The following ANGPT1 variants were observed in gnomAD, a reference collection of about 807,000 sequenced individuals.
ANGPT1 encodes angiopoietin-1.
A neutral mutation model predicts 62.2 loss-of-function variants in ANGPT1; 17 were observed. The ratio of observed to expected loss-of-function variants is 0.27; its 90% CI spans 0.19 to 0.41. The LOEUF (loss-of-function observed/expected upper bound fraction) is 0.41, where lower values mean the gene tolerates loss of function less well. Ranked by LOEUF, ANGPT1 falls within the 10% of genes least tolerant of loss-of-function variation. The pLI, the probability that ANGPT1 is intolerant of heterozygous loss-of-function variation, is 1.00. For synonymous variants in ANGPT1, 199 were observed against 198.9 expected, an observed-to-expected ratio of 1.00 and a Z score of 0.00; for missense variants, 478 against 594.9, an observed-to-expected ratio of 0.80 and a Z score of 2.04.
intron 1 of ANGPT1, among the ~76,000 whole-genome samples, chr8:107,480,708 C>T (rs1405279950): frequency 6.6e-6 from 1 of 152,184 alleles, no homozygotes; most frequent in Non-Finnish European, 1.5e-5. Flanking sequence ...CACTCAACTT[C>T]ATGGGTACAA....
At chr8:107,323,902 C>T (rs956152952) in intron 3 of ANGPT1, among the ~76,000 whole-genome samples, 2 of 152,054 alleles carry the variant, frequency 1.3e-5, no homozygotes, top group Non-Finnish European at 2.9e-5. Context: ...GCCTCAGCCT[C>T]CCGAGTAGTT....
intron 1 of ANGPT1, among the ~76,000 whole-genome samples, chr8:107,420,680 C>T (rs1810874417): frequency 6.6e-6 from 1 of 152,082 alleles, no homozygotes; most frequent in Non-Finnish European, 1.5e-5. Flanking sequence ...TGTTATCAAT[C>T]TGTTATTTAG....
At chr8:107,350,083 T>C (rs1473053750) in intron 1 of ANGPT1, among the ~76,000 whole-genome samples, 1 of 152,148 alleles carries the variant, frequency 6.6e-6, no homozygotes, top group East Asian at 1.9e-4. Flanking sequence ...TTCATTCACT[T>C]GATGTATATA....
At chr8:107,439,710 G>A (rs555900507) in intron 1 of ANGPT1, among the ~76,000 whole-genome samples, 3 of 152,238 alleles carry the variant, frequency 2.0e-5, no homozygotes, top group Admixed American at 1.3e-4. Flanking sequence ...TTACACTCAG[G>A]AAAGGAGTTT....
chr8:107,263,071 C>G (rs1813530410), intron 8 of ANGPT1, among the ~76,000 whole-genome samples: 1 of 151,940 alleles, frequency 6.6e-6, no homozygotes, highest in African/African-American at 2.4e-5. Flanking sequence ...TTAGATATAG[C>G]CAGGTGCCAT....
chr8:107,452,789 G>A (rs902549794), intron 1 of ANGPT1, among the ~76,000 whole-genome samples: 49 of 152,054 alleles, frequency 3.2e-4, no homozygotes, highest in African/African-American at 9.2e-4. Context: ...TTTGCCAGGT[G>A]TTTCTAAAGA....
intron 1 of ANGPT1, among the ~76,000 whole-genome samples, chr8:107,422,423 G>A (rs1457011430): frequency 6.6e-6 from 1 of 152,116 alleles, no homozygotes; most frequent in East Asian, 1.9e-4. Context: ...GTCCCATAGT[G>A]TTCACAGAAT....
At chr8:107,415,878 G>A (rs546752903) in intron 1 of ANGPT1, among the ~76,000 whole-genome samples, 11 of 152,102 alleles carry the variant, frequency 7.2e-5, no homozygotes, top group Admixed American at 3.9e-4. Context: ...TAATTATAAC[G>A]GAGCTATAAA....
rs543264148 is a variant in ANGPT1, at chr8:107,379,277, C to T, written c.298-32180G>A. On this transcript the variant is annotated intron_variant, in intron 1 of 8. Coordinates refer to ENST00000517746, the MANE Select transcript of ANGPT1 (RefSeq NM_001146.5). ...CACCTAGAGTAGACCACCTCAATTG[C>T]TCCCTCCCTTGGTAGGCCACTAGCT... is the stretch of plus-strand genomic sequence containing the variant. Among the ~76,000 whole-genome samples the T allele has an allele frequency of 2.6e-5, 4 of 152,108 alleles. No homozygotes were observed. In the South Asian group the frequency reaches 8.3e-4, roughly 32 times the overall value.
At chr8:107,260,094 A>C (rs1439092447) in intron 8 of ANGPT1, among the ~76,000 whole-genome samples, 1 of 152,152 alleles carries the variant, frequency 6.6e-6, no homozygotes, top group East Asian at 1.9e-4. Context: ...TGATAGAAGA[A>C]AGCCAAGAAA....
rs887981397 is a variant in ANGPT1 at position 107,497,708 on chromosome 8, C to T, written c.-150G>A. ...GCGTTTGAAGAAGAATCATAGAAAA[C>T]TAGCCATTTGTTAGCTTTGTTCTAA... On this transcript the variant is annotated 5_prime_UTR_variant, in exon 1 of 9. Coordinates refer to ENST00000517746, the MANE Select transcript of ANGPT1 (RefSeq NM_001146.5). 24 of 846,584 alleles carry T rather than the reference C, an allele frequency of 2.8e-5. No individual in the cohort carries two copies. The highest frequency in any genetic ancestry group is 4.0e-5 in the Non-Finnish European group (23 of 569,818). The allele number at this position is 846,584 out of a possible 1,614,324, so 52.4% of individuals were successfully genotyped here.
chr8:107,370,407 A>AGAAAGAAAGAAAGAAAGGAAGGAAG (rs149930759), intron 1 of ANGPT1, among the ~76,000 whole-genome samples: 3 of 71,972 alleles, frequency 4.2e-5, no homozygotes, highest in African/African-American at 9.5e-5. Context: ...AAAGAAAGAA[A>AGAAAGAAAGAAAGAAAGGAAGGAAG]GAGTCAGGGT....
chr8:107,346,875 T>C (rs1815815139), intron 2 of ANGPT1, 67 bp downstream of exon 2: 2 of 1,414,384 alleles, frequency 1.4e-6, no homozygotes, highest in Non-Finnish European at 1.9e-6. Context: ...TCTGTGTTTA[T>C]GGAGAAAGCT....
chr8:107,420,834 T>C (rs1487422154), intron 1 of ANGPT1, among the ~76,000 whole-genome samples: 2 of 152,148 alleles, frequency 1.3e-5, no homozygotes, highest in African/African-American at 2.4e-5. Context: ...TCTAAAAGTA[T>C]GCCTGTCTAT....
At chr8:107,330,631 A>T (rs1053320288) in intron 3 of ANGPT1, among the ~76,000 whole-genome samples, 1 of 152,180 alleles carries the variant, frequency 6.6e-6, no homozygotes, top group Non-Finnish European at 1.5e-5. Context: ...GGAGTGGCAC[A>T]TAGCTTAAAC....
chr8:107,481,532 C>CAAAAAAAAAAAAAAAAAAAA (rs71562147), intron 1 of ANGPT1, among the ~76,000 whole-genome samples: 3 of 64,312 alleles, frequency 4.7e-5, no homozygotes, highest in Non-Finnish European at 5.7e-5. Context: ...GACTCTGTCT[C>CAAAAAAAAAAAAAAAAAAAA]AAAAAAAAAA....
At chr8:107,375,075 G>A (rs918776086) in intron 1 of ANGPT1, among the ~76,000 whole-genome samples, 1 of 152,170 alleles carries the variant, frequency 6.6e-6, no homozygotes, top group African/African-American at 2.4e-5. Flanking sequence ...CAGGAGATTC[G>A]CTTGAACCCA....
At position 107,346,922 on chromosome 8, in the gene ANGPT1, ACTCTGG is replaced by A; in HGVS notation, c.453+14_453+19del. The A allele has an allele frequency of 6.3e-7, 1 of 1,585,292 alleles. No homozygotes were observed. The highest frequency in any genetic ancestry group is 8.6e-7 in the Non-Finnish European group (1 of 1,166,598). On this transcript the variant is annotated intron_variant, in intron 2 of 8. Coordinates refer to ENST00000517746, the MANE Select transcript of ANGPT1 (RefSeq NM_001146.5). ...AAATTTTTCCTTGTTGAGTCTGTGG[ACTCTGG>A]CCCTGGGGTGTACCTGGGTCTCAAC...
chr8:107,317,225 G>T (rs1264971123), intron 4 of ANGPT1, among the ~76,000 whole-genome samples: 3 of 152,192 alleles, frequency 2.0e-5, no homozygotes, highest in Admixed American at 6.5e-5. Flanking sequence ...GCCACAGAAT[G>T]AAATACATCT....
Sources: gnomAD v4.1 joint callset for allele counts (sites outside exome capture counted in the v4.1 genomes callset) on GRCh38, gnomAD v4.1.1 for gene constraint, MANE v1.5 for transcripts, NCBI Gene and HGNC (gene_info 2026-07-23, HGNC 2026-07-21) for gene names.